Variants in RBFOX1 observed in about 807,000 individuals in gnomAD.
The protein encoded by RBFOX1 is RNA binding fox-1 homolog 1, also known as RNA binding protein fox-1 homolog 1.
In RBFOX1, 8 loss-of-function variants were observed where a neutral mutation model predicts 57.7. The observed-to-expected ratio is 0.14, with a 90% CI of 0.08 to 0.25. RBFOX1 has a LOEUF of 0.25. Ranked by LOEUF, RBFOX1 falls within the 10% of genes least tolerant of loss-of-function variation. The pLI, the probability that RBFOX1 is intolerant of heterozygous loss-of-function variation, is 1.00. For synonymous variants in RBFOX1, 326 were observed against 222.4 expected (o/e 1.47, Z -4.15); for missense variants, 611 against 548.5 (o/e 1.11, Z -1.14).
chr16:5,793,973 C>G (rs2054792130), intron 3 of RBFOX1, among the ~76,000 whole-genome samples: 1 of 152,154 alleles, frequency 6.6e-6, no homozygotes. Context: ...TATGTAAAAT[C>G]ATGAAACTGC....
At chr16:5,248,606 G>C (rs1335339486) in intron 1 of RBFOX1, among the ~76,000 whole-genome samples, 1 of 152,176 alleles carries the variant, frequency 6.6e-6, no homozygotes, top group Non-Finnish European at 1.5e-5. Context: ...TGGAGCGCTT[G>C]GGGGGTGGTC....
intron 3 of RBFOX1, among the ~76,000 whole-genome samples, chr16:6,801,675 C>T (rs781732092): frequency 6.6e-6 from 1 of 152,002 alleles, no homozygotes; most frequent in Non-Finnish European, 1.5e-5. Context: ...GAGGGTCACA[C>T]TGCTATTTCT....
At chr16:7,179,458 T>C (rs948991759) in intron 4 of RBFOX1, among the ~76,000 whole-genome samples, 1 of 152,212 alleles carries the variant, frequency 6.6e-6, no homozygotes, top group Non-Finnish European at 1.5e-5. Flanking sequence ...CCTCTTGAAC[T>C]GATTTACGGT....
chr16:5,418,102 C>CAACAAG (rs2067209660), intron 1 of RBFOX1, among the ~76,000 whole-genome samples: 1 of 151,940 alleles, frequency 6.6e-6, no homozygotes, highest in African/African-American at 2.4e-5. Context: ...ACAACAACAA[C>CAACAAG]AAATCTGTAA....
chr16:5,288,358 C>T (rs1434264376), intron 1 of RBFOX1, among the ~76,000 whole-genome samples: 1 of 151,924 alleles, frequency 6.6e-6, no homozygotes, highest in African/African-American at 2.4e-5. Flanking sequence ...ATGTTGGGGG[C>T]ACTCACTTGT....
At chr16:6,831,408 A>T (rs1264740027) in intron 3 of RBFOX1, among the ~76,000 whole-genome samples, 1 of 152,206 alleles carries the variant, frequency 6.6e-6, no homozygotes, top group Admixed American at 6.5e-5. Flanking sequence ...TATGCAAAAA[A>T]CAGGAATACT....
intron 1 of RBFOX1, among the ~76,000 whole-genome samples, chr16:5,350,184 C>T (rs887999196): frequency 4.6e-5 from 7 of 152,158 alleles, no homozygotes; most frequent in Admixed American, 3.9e-4. Flanking sequence ...AACTGGGAAA[C>T]AGCAGCTGTC....
chr16:6,029,727 C>T (rs1272001631), intron 1 of RBFOX1, among the ~76,000 whole-genome samples: 10 of 146,298 alleles, frequency 6.8e-5, no homozygotes, highest in African/African-American at 2.0e-4. Context: ...GAGCCGAGAT[C>T]GCGCCACTGT....
chr16:6,215,786 C>A (rs1351441809), intron 1 of RBFOX1, among the ~76,000 whole-genome samples: 1 of 152,124 alleles, frequency 6.6e-6, no homozygotes, highest in South Asian at 2.1e-4. Flanking sequence ...TTAACCCAGC[C>A]TGTTTTCTTA....
At chr16:7,403,783 T>G (rs1481859938) in intron 4 of RBFOX1, among the ~76,000 whole-genome samples, 2 of 152,034 alleles carry the variant, frequency 1.3e-5, no homozygotes, top group African/African-American at 2.4e-5. Context: ...TGACCTCAGG[T>G]GAACCACACA....
At chr16:7,668,543 G>A (rs2070220541) in intron 13 of RBFOX1, among the ~76,000 whole-genome samples, 1 of 152,284 alleles carries the variant, frequency 6.6e-6, no homozygotes, top group East Asian at 1.9e-4. Flanking sequence ...TCTAGCCACA[G>A]TGGAGAGGTG....
intron 4 of RBFOX1, among the ~76,000 whole-genome samples, chr16:5,881,347 G>A (rs1019028122): frequency 2.0e-4 from 30 of 152,274 alleles, no homozygotes; most frequent in Non-Finnish European, 2.5e-4. Context: ...GTTTTAACCT[G>A]TGGCTTCTTC....
intron 1 of RBFOX1, among the ~76,000 whole-genome samples, chr16:6,136,356 C>T (rs948275460): frequency 8.6e-5 from 13 of 151,940 alleles, no homozygotes; most frequent in African/African-American, 1.5e-4. Flanking sequence ...GCAGTTGAGC[C>T]GTATTCCAGA....
chr16:7,283,964 T>C (rs7197740), intron 4 of RBFOX1, among the ~76,000 whole-genome samples: 94 of 152,366 alleles, frequency 6.2e-4, no homozygotes, highest in Middle Eastern at 3.4e-3. Flanking sequence ...CTCTAGATCC[T>C]GGGAATTGGC....
At chr16:6,779,921 A>T (rs1170024775) in intron 3 of RBFOX1, among the ~76,000 whole-genome samples, 1 of 72,052 alleles carries the variant, frequency 1.4e-5, no homozygotes, top group Non-Finnish European at 2.3e-5. Context: ...ATATATTTAT[A>T]TATATTTATA....
At chr16:6,621,148 C>G (rs367801896) in intron 2 of RBFOX1, among the ~76,000 whole-genome samples, 4 of 152,312 alleles carry the variant, frequency 2.6e-5, no homozygotes, top group African/African-American at 9.6e-5. Flanking sequence ...TTTTAAATCT[C>G]CCTCTCCTTT....
intron 9 of RBFOX1, among the ~76,000 whole-genome samples, chr16:7,602,317 G>C: frequency 6.6e-6 from 1 of 152,170 alleles, no homozygotes; most frequent in Non-Finnish European, 1.5e-5. Flanking sequence ...TAAACTGCTT[G>C]CGTATCTGAT....
chr16:6,967,024 C>G (rs2084401128), intron 3 of RBFOX1, among the ~76,000 whole-genome samples: 1 of 152,136 alleles, frequency 6.6e-6, no homozygotes, highest in Admixed American at 6.5e-5. Flanking sequence ...ATGTACCTAT[C>G]TACTTATCTG....
At position 5,863,601 on chromosome 16, in the gene RBFOX1, C is replaced by T. The variant is rs149577642; in HGVS notation, c.319-3702C>T. On this transcript the variant is annotated intron_variant, in intron 3 of 19. Transcript: ENST00000641259. ...CTGCCTTAGAAGGGAGTCTCTGAAT[C>T]TAATATAATTTTGACTATGAAATCC... Among the ~76,000 whole-genome samples the T allele has an allele frequency of 3.2e-4, 49 of 152,276 alleles. 1 individual carries two copies. Among genetic ancestry groups the T allele is most frequent in the African/African-American group, 1.1e-3 (45 of 41,552 alleles).
Sources: gnomAD v4.1 joint callset for allele counts (sites outside exome capture counted in the v4.1 genomes callset) on GRCh38, gnomAD v4.1.1 for gene constraint, MANE v1.5 for transcripts, NCBI Gene and HGNC (gene_info 2026-07-23, HGNC 2026-07-21) for gene names.